The following SV2B variants were observed in gnomAD, a reference collection of about 807,000 sequenced individuals.
SV2B encodes synaptic vesicle glycoprotein 2B.
Under a neutral mutation model 73.9 loss-of-function variants are expected in SV2B, and 41 were observed. The observed-to-expected ratio is 0.56, with a 90% CI of 0.43 to 0.72. The LOEUF is 0.72. SV2B is among the 30% of genes least tolerant of loss of function. SV2B has a pLI of 0.00. For synonymous variants in SV2B, 314 were observed against 314.2 expected, an observed-to-expected ratio of 1.00 and a Z score of 0.01; for missense variants, 764 against 857.8, an observed-to-expected ratio of 0.89 and a Z score of 1.37.
intron 2 of SV2B, among the ~76,000 whole-genome samples, chr15:91,230,381 A>G (rs919467731): frequency 9.8e-5 from 15 of 152,328 alleles, no homozygotes; most frequent in Middle Eastern, 3.4e-3. Context: ...GTGTCAAATC[A>G]TAGGATATTT....
intron 6 of SV2B, among the ~76,000 whole-genome samples, chr15:91,260,838 C>T (rs926514386): frequency 3.9e-5 from 6 of 152,196 alleles, no homozygotes; most frequent in African/African-American, 2.4e-5. Context: ...TTTGCAAAAG[C>T]AGAAACCCCT....
chr15:91,147,051 A>G (rs1261619810), intron 1 of SV2B, among the ~76,000 whole-genome samples: 1 of 152,248 alleles, frequency 6.6e-6, no homozygotes. Flanking sequence ...AAGATCCTTG[A>G]GAGCAGAGAT....
In SV2B at chr15:91,139,059, C is replaced by A. The variant is rs2042926917; in HGVS notation, c.-392+38696C>A. On this transcript the variant is annotated intron_variant, in intron 1 of 12. Transcript: ENST00000394232. The surrounding 1 kb of genome is among the most constrained non-coding windows in gnomAD (Gnocchi z 5.2). ...ATATTTAATGATGTTACAAAATTAT[C>A]ACTTTTTAGGTGTGATAATGGCATA... is the stretch of plus-strand genomic sequence containing the variant. 6.6e-6 allele frequency among the ~76,000 whole-genome samples: 1 copy of A among 152,176 alleles called. No homozygotes were observed.
At position 91,130,733 on chromosome 15, in the gene SV2B, G is replaced by A. The variant is rs1007768921; in HGVS notation, c.-392+30370G>A. ...AGCTGCAGTCCTGGGGGCAAAGAGG[G>A]GAGTGTGTGGCGGTGCACGGTTCAG... On this transcript the variant is annotated intron_variant, in intron 1 of 12. Transcript: ENST00000394232. This position sits in a 1 kb window ranked among gnomAD's most constrained non-coding sequence, Gnocchi z 5.6. 2.0e-5 allele frequency among the ~76,000 whole-genome samples: 3 copies of A among 152,174 alleles called. No homozygotes were observed. Among genetic ancestry groups the A allele is most frequent in the African/African-American group, 7.2e-5 (3 of 41,432 alleles).
intron 9 of SV2B, among the ~76,000 whole-genome samples, chr15:91,274,737 T>A (rs2048428713): frequency 6.6e-6 from 1 of 152,214 alleles, no homozygotes; most frequent in Non-Finnish European, 1.5e-5. Flanking sequence ...CATTTATATA[T>A]ACTTGTGCTA....
chr15:91,156,787 A>G (rs2043504800), intron 1 of SV2B, among the ~76,000 whole-genome samples: 1 of 152,232 alleles, frequency 6.6e-6, no homozygotes, highest in African/African-American at 2.4e-5. Context: ...CTTCCTGGAA[A>G]ACCTCCAGGG....
In SV2B at chr15:91,110,071, C is replaced by A. The variant is rs144174772; in HGVS notation, c.-392+9708C>A. Among the ~76,000 whole-genome samples the A allele has an allele frequency of 7.6e-3, 1,152 of 152,274 alleles. 12 individuals are homozygous for A. Among genetic ancestry groups the A allele is most frequent in the African/African-American group, 0.022 (918 of 41,554 alleles). On this transcript the variant is annotated intron_variant, in intron 1 of 12. Transcript: ENST00000394232. This position sits in a 1 kb window ranked among gnomAD's most constrained non-coding sequence, Gnocchi z 5.4. ...GATAAAAGAGCTGTCCGTCATTACT[C>A]ACATTACAAATCACGCTCACTCAGG...
rs1043401997 is a variant in SV2B at position 91,288,502 on chromosome 15, A to G, written c.1709-1019A>G. ...TGTGTAGTAGATCTCGAAAAGTGAGATGATGCAGATGTTTCTGTGCCTGGT... is the reference window on the plus strand; with the variant it reads ...TGTGTAGTAGATCTCGAAAAGTGAGGTGATGCAGATGTTTCTGTGCCTGGT... On this transcript the variant is annotated intron_variant, in intron 11 of 12. Coordinates refer to ENST00000394232, the MANE Select transcript of SV2B (RefSeq NM_001323032.3). The surrounding 1 kb of genome is among the most constrained non-coding windows in gnomAD (Gnocchi z 5.8). 1.3e-4 allele frequency among the ~76,000 whole-genome samples: 19 copies of G among 150,164 alleles called. No homozygotes were observed. The highest frequency in any genetic ancestry group is 3.0e-5 in the Non-Finnish European group (2 of 67,310).
At position 91,182,551 on chromosome 15, in the gene SV2B, G is replaced by A. The variant is rs142226517; in HGVS notation, c.-391-43322G>A. ...AGTTCCTGAGCTTGATTCTCTTGAA[G>A]GCCAGTCAGCTGTGGTTGTTCTGAG... On this transcript the variant is annotated intron_variant, in intron 1 of 12. Coordinates refer to ENST00000394232, the MANE Select transcript of SV2B (RefSeq NM_001323032.3). Among the ~76,000 whole-genome samples, 45 of 152,262 alleles carry A rather than the reference G, an allele frequency of 3.0e-4. No homozygotes were observed. The East Asian group carries it at 7.3e-3, about 25-fold the overall frequency.
At chr15:91,271,252 C>G (rs900959437) in intron 9 of SV2B, among the ~76,000 whole-genome samples, 1 of 151,860 alleles carries the variant, frequency 6.6e-6, no homozygotes, top group Non-Finnish European at 1.5e-5. Flanking sequence ...TGACACCATT[C>G]CCTGCAGAGA....
intron 1 of SV2B, among the ~76,000 whole-genome samples, chr15:91,199,284 G>A (rs1195259687): frequency 6.6e-6 from 1 of 152,200 alleles, no homozygotes; most frequent in Non-Finnish European, 1.5e-5. Flanking sequence ...TCTGGGGGAA[G>A]GATGGAAATT....
At chr15:91,158,068 T>C (rs1169776054) in intron 1 of SV2B, among the ~76,000 whole-genome samples, 1 of 152,208 alleles carries the variant, frequency 6.6e-6, no homozygotes, top group African/African-American at 2.4e-5. Flanking sequence ...CCTCAGTTTG[T>C]TTACCTGTTG....
chr15:91,159,327 A>G (rs2043626982), intron 1 of SV2B, among the ~76,000 whole-genome samples: 1 of 152,186 alleles, frequency 6.6e-6, no homozygotes, highest in Non-Finnish European at 1.5e-5. Flanking sequence ...TTGGAAGTGA[A>G]TCTCTGGATA....
chr15:91,126,539 C>G (rs889886844), intron 1 of SV2B, among the ~76,000 whole-genome samples: 1 of 152,138 alleles, frequency 6.6e-6, no homozygotes, highest in African/African-American at 2.4e-5. Context: ...TATTTGTTTC[C>G]TATTGCTGCT....
In SV2B at chr15:91,192,660, A is replaced by T. The variant is rs76397537; in HGVS notation, c.-391-33213A>T. ...ACATAATTCTTCCCTTTAAAAAAGGATGGAGAAGAAAAGGGGAAGGCAGGT... is the reference window on the plus strand; with the variant it reads ...ACATAATTCTTCCCTTTAAAAAAGGTTGGAGAAGAAAAGGGGAAGGCAGGT... On this transcript the variant is annotated intron_variant, in intron 1 of 12. Transcript: ENST00000394232. Among the ~76,000 whole-genome samples, 42 of 152,340 alleles carry T rather than the reference A, an allele frequency of 2.8e-4. No homozygotes were observed. In the East Asian group the frequency reaches 7.5e-3, roughly 27 times the overall value.
intron 1 of SV2B, among the ~76,000 whole-genome samples, chr15:91,215,463 G>A (rs1482640457): frequency 1.3e-5 from 2 of 152,186 alleles, no homozygotes; most frequent in African/African-American, 2.4e-5. Flanking sequence ...AAACAAATAC[G>A]GGCTAGGTTT....
intron 1 of SV2B, among the ~76,000 whole-genome samples, chr15:91,146,777 T>C (rs774103471): frequency 2.0e-5 from 3 of 152,208 alleles, no homozygotes; most frequent in Non-Finnish European, 4.4e-5. Flanking sequence ...TCTATGGGCA[T>C]TGGAAAACAG....
intron 1 of SV2B, among the ~76,000 whole-genome samples, chr15:91,184,508 CCT>C (rs1351588737): frequency 6.6e-6 from 1 of 152,154 alleles, no homozygotes; most frequent in Non-Finnish European, 1.5e-5. Flanking sequence ...TAAAATATCC[CCT>C]CTTTAAAGAA....
At chr15:91,182,373 T>G (rs138386114) in intron 1 of SV2B, among the ~76,000 whole-genome samples, 1 of 152,342 alleles carries the variant, frequency 6.6e-6, no homozygotes, top group Non-Finnish European at 1.5e-5. Context: ...TCGATTAGCA[T>G]TTGTTGAATG....
Sources: gnomAD v4.1 joint callset for allele counts (sites outside exome capture counted in the v4.1 genomes callset) on GRCh38, gnomAD v4.1.1 for gene constraint, Gnocchi (gnomAD v3.1) non-coding constraint, MANE v1.5 for transcripts, NCBI Gene and HGNC (gene_info 2026-07-23, HGNC 2026-07-21) for gene names.